SLC37A1: variants seen among roughly 807,000 people sequenced by gnomAD.
SLC37A1 encodes the protein glucose-6-phosphate exchanger SLC37A1.
In SLC37A1, 49 loss-of-function variants were observed where a neutral mutation model predicts 75.3. The ratio of observed to expected loss-of-function variants is 0.65; its 90% confidence interval spans 0.52 to 0.83. The LOEUF (loss-of-function observed/expected upper bound fraction) is 0.83. Among genes scored for constraint, SLC37A1 ranks in the 40% least tolerant of loss-of-function variants. The pLI is 0.00. For missense variants in SLC37A1, 566 were observed against 695.0 expected, an observed-to-expected ratio of 0.81 and a Z score of 2.09; for synonymous variants, 268 against 292.1, an observed-to-expected ratio of 0.92 and a Z score of 0.84.
intron 2 of SLC37A1, among the ~76,000 whole-genome samples, chr21:42,523,336 A>G (rs375892714): frequency 6.6e-6 from 1 of 152,360 alleles, no homozygotes; most frequent in Admixed American, 6.5e-5. Flanking sequence ...AGGGTCACCC[A>G]TCAGCCTTAC....
Position 42,580,751 on chromosome 21 carries a change from A to G in SLC37A1, c.*391A>G, listed in dbSNP as rs17178345. 0.089 allele frequency: 25,052 copies of G among 282,242 alleles called. 1,526 individuals are homozygous for G. Among genetic ancestry groups the G allele is most frequent in the Non-Finnish European group, 0.12 (17,762 of 148,058 alleles). The allele number at this position is 282,242 out of a possible 1,614,324, so 17.5% of individuals were successfully genotyped here. ...CCACAGAACATCAAAGTGAGCGAGT[A>G]CTGCGCTGGCTGTGGCTTCAGAGAA... On this transcript the variant is annotated 3_prime_UTR_variant, in exon 20 of 20. Coordinates refer to ENST00000352133, the MANE Select transcript of SLC37A1 (RefSeq NM_001320537.2).
chr21:42,501,979 A>G (rs1194115662), intron 1 of SLC37A1, among the ~76,000 whole-genome samples: 1 of 152,214 alleles, frequency 6.6e-6, no homozygotes. Context: ...CCACGTGTCC[A>G]TGATTTTCCC....
At chr21:42,525,472 T>G (rs2054765137) in intron 2 of SLC37A1, among the ~76,000 whole-genome samples, 1 of 152,212 alleles carries the variant, frequency 6.6e-6, no homozygotes, top group Non-Finnish European at 1.5e-5. Context: ...AATTGCTTGG[T>G]ATATGGGGAA....
At chr21:42,546,930 G>A (rs148141480) in intron 8 of SLC37A1, among the ~76,000 whole-genome samples, 173 bp from the exon 9 acceptor site, 42 of 152,280 alleles carry the variant, frequency 2.8e-4, no homozygotes, top group Middle Eastern at 3.4e-3. Context: ...ACAGCTGCCC[G>A]CTTTTGTTTT....
intron 5 of SLC37A1, among the ~76,000 whole-genome samples, chr21:42,536,515 T>A (rs1268467665): frequency 2.0e-5 from 3 of 152,250 alleles, no homozygotes; most frequent in Admixed American, 2.0e-4. Context: ...TAGCCCATTT[T>A]CTGTTGCTAT....
intron 16 of SLC37A1, among the ~76,000 whole-genome samples, chr21:42,567,786 T>TC (rs1466996950): frequency 6.6e-6 from 1 of 152,192 alleles, no homozygotes; most frequent in Non-Finnish European, 1.5e-5. Flanking sequence ...TTGGCTTTTT[T>TC]CCCATTGTCT....
At chr21:42,533,076 G>T (rs561442685) in intron 3 of SLC37A1, among the ~76,000 whole-genome samples, 4 of 152,274 alleles carry the variant, frequency 2.6e-5, no homozygotes, top group South Asian at 4.1e-4. Flanking sequence ...GGCCAGCCTT[G>T]TTGGCCACTC....
At chr21:42,517,953 C>T (rs903223222) in intron 1 of SLC37A1, among the ~76,000 whole-genome samples, 1 of 152,206 alleles carries the variant, frequency 6.6e-6, no homozygotes, top group African/African-American at 2.4e-5. Context: ...GGCTGCTGGA[C>T]ACATACTTGG....
intron 2 of SLC37A1, among the ~76,000 whole-genome samples, chr21:42,523,419 T>C (rs112370922): frequency 0.011 from 1,601 of 152,304 alleles, 22 homozygotes; most frequent in African/African-American, 0.036. Flanking sequence ...CAAGTGAGCA[T>C]TGAGGGCCGG....
intron 2 of SLC37A1, among the ~76,000 whole-genome samples, chr21:42,522,593 G>A (rs2054680857): frequency 6.6e-6 from 1 of 152,208 alleles, no homozygotes; most frequent in South Asian, 2.1e-4. Context: ...AAGTACAGAA[G>A]ATGAAGAAAT....
rs747854811 is a variant in SLC37A1, at chr21:42,574,818, G to A, written c.1424G>A (p.Gly475Glu). 1 of 1,613,980 alleles carries A rather than the reference G, an allele frequency of 6.2e-7. No homozygotes were observed. Among genetic ancestry groups the A allele is most frequent in the Non-Finnish European group, 8.5e-7 (1 of 1,179,982 alleles). ...TAIIDGTGSVGAALGPLLAGL... is the reference protein window; with the variant it reads ...TAIIDGTGSVEAALGPLLAGL... ...TGTGTGTCCATTTGCCTGATTTCAGGAGCAGCCCTGGGCCCCCTGCTGGCT... is the reference window on the plus strand; with the variant it reads ...TGTGTGTCCATTTGCCTGATTTCAGAAGCAGCCCTGGGCCCCCTGCTGGCT... Residue 475 changes from glycine (G) to glutamate (E), a missense_variant and splice_region_variant, in exon 18 of 20, where the codon GGA (glycine) becomes GAA (glutamate). Physicochemically the swap from Gly to Glu is moderately conservative, Grantham distance 98. Transcript: ENST00000352133.
At chr21:42,527,858 A>G (rs898394460) in intron 3 of SLC37A1, among the ~76,000 whole-genome samples, 3 of 152,216 alleles carry the variant, frequency 2.0e-5, no homozygotes, top group African/African-American at 7.2e-5. Flanking sequence ...ACCTTTCAAG[A>G]TAGATCAGAA....
At position 42,548,195 on chromosome 21, in the gene SLC37A1, C is replaced by T. The variant is rs914441419; in HGVS notation, c.768+1055C>T. 3.9e-5 allele frequency among the ~76,000 whole-genome samples: 6 copies of T among 152,146 alleles called. No individual in the cohort carries two copies. The highest frequency in any genetic ancestry group is 2.0e-4 in the Admixed American group (3 of 15,290). ...CCCGCTCACTGCAGGAGAGCGCGCTCGGGCCTTTCAGCGGCTCCAGGTGCG... is the reference window on the plus strand; with the variant it reads ...CCCGCTCACTGCAGGAGAGCGCGCTTGGGCCTTTCAGCGGCTCCAGGTGCG... On this transcript the variant is annotated intron_variant, in intron 9 of 19. Coordinates refer to ENST00000352133, the MANE Select transcript of SLC37A1 (RefSeq NM_001320537.2). The surrounding 1 kb of genome is among the most constrained non-coding windows in gnomAD (Gnocchi z 5.6).
chr21:42,574,551 C>A (rs979352869), intron 17 of SLC37A1, among the ~76,000 whole-genome samples: 6 of 152,142 alleles, frequency 3.9e-5, no homozygotes, highest in African/African-American at 1.4e-4. Flanking sequence ...TTCTGAAATG[C>A]CCCAGTGAGC....
At chr21:42,558,015 C>A (rs538130388) in intron 10 of SLC37A1, among the ~76,000 whole-genome samples, 1 of 152,304 alleles carries the variant, frequency 6.6e-6, no homozygotes, top group African/African-American at 2.4e-5. Flanking sequence ...AATCACAGCT[C>A]ACTGCAGCCT....
chr21:42,514,802 C>G lies in SLC37A1; in HGVS notation c.-179+85C>G, dbSNP rs2054490802. The G allele has an allele frequency of 6.6e-6, 1 of 152,602 alleles. No individual in the cohort carries two copies. The highest frequency in any genetic ancestry group is 1.5e-5 in the Non-Finnish European group (1 of 68,340). The allele number at this position is 152,602 out of a possible 1,614,324, so 9.5% of individuals were successfully genotyped here. A position where few individuals can be genotyped will look rare whatever the true frequency, so the allele number is the denominator to read the frequency against. Reference sequence around the variant, plus strand: ...CCCCACTCCCCGCTAACACCCCAGCCCGCGGCCCCAGGTTTGAATTTCCAA... The same window carrying G: ...CCCCACTCCCCGCTAACACCCCAGCGCGCGGCCCCAGGTTTGAATTTCCAA... On this transcript the variant is annotated intron_variant, in intron 1 of 19. Coordinates refer to ENST00000352133, the MANE Select transcript of SLC37A1 (RefSeq NM_001320537.2). The surrounding 1 kb of genome is among the most constrained non-coding windows in gnomAD (Gnocchi z 4.8).
At chr21:42,553,325 T>A (rs991638930) in intron 9 of SLC37A1, among the ~76,000 whole-genome samples, 1 of 152,240 alleles carries the variant, frequency 6.6e-6, no homozygotes, top group African/African-American at 2.4e-5. Flanking sequence ...AAGTACAGAC[T>A]GATTCCTTAT....
intron 9 of SLC37A1, among the ~76,000 whole-genome samples, chr21:42,549,911 G>A (rs927050504): frequency 1.3e-5 from 2 of 152,080 alleles, no homozygotes; most frequent in Non-Finnish European, 2.9e-5. Context: ...ACAGCATAAC[G>A]AACCCCTGTG....
chr21:42,523,014 C>T (rs916182458), intron 2 of SLC37A1, among the ~76,000 whole-genome samples: 1 of 152,350 alleles, frequency 6.6e-6, no homozygotes, highest in African/African-American at 2.4e-5. Flanking sequence ...TGTGTCGGGG[C>T]CTCAGCACTC....
Sources: gnomAD v4.1 joint callset for allele counts (sites outside exome capture counted in the v4.1 genomes callset) on GRCh38, gnomAD v4.1.1 for gene constraint, Gnocchi (gnomAD v3.1) non-coding constraint, MANE v1.5 for transcripts, NCBI Gene and HGNC (gene_info 2026-07-23, HGNC 2026-07-21) for gene names.